Variants in PAX3 observed in about 807,000 individuals in gnomAD.
PAX3 encodes paired box protein Pax-3.
A neutral mutation model predicts 51.6 loss-of-function variants in PAX3; 14 were observed. That is an observed-to-expected ratio of 0.27 (90% CI 0.18 to 0.42). The LOEUF (loss-of-function observed/expected upper bound fraction) is 0.42. PAX3 is among the 10% of genes least tolerant of loss of function. The pLI is 1.00. For missense variants in PAX3, 540 were observed against 642.8 expected (o/e 0.84, Z 1.73); for synonymous variants, 280 against 253.4 (o/e 1.11, Z -1.00).
intron 4 of PAX3, among the ~76,000 whole-genome samples, chr2:222,258,632 A>G (rs1028974455): frequency 9.9e-5 from 15 of 152,226 alleles, no homozygotes; most frequent in African/African-American, 3.6e-4. Context: ...CTCACCCCAG[A>G]GTCTGGAAAC....
At chr2:222,205,692 C>T (rs1245204442) in intron 7 of PAX3, among the ~76,000 whole-genome samples, 2 of 152,078 alleles carry the variant, frequency 1.3e-5, no homozygotes, top group Non-Finnish European at 2.9e-5. Context: ...ATTTTAAAAA[C>T]CTACTGTTTT....
chr2:222,294,493 A>C (rs1245520117), intron 3 of PAX3, among the ~76,000 whole-genome samples, 192 bp from the exon 4 acceptor site: 3 of 147,670 alleles, frequency 2.0e-5, no homozygotes, highest in Non-Finnish European at 4.5e-5. Context: ...TGCCACTCAA[A>C]CCCCCCTCCC....
chr2:222,212,653 ACACG>A (rs985486506), intron 7 of PAX3, among the ~76,000 whole-genome samples: 5 of 151,256 alleles, frequency 3.3e-5, no homozygotes, highest in African/African-American at 1.2e-4. Flanking sequence ...ACACACACAC[ACACG>A]AATAGTATAC....
intron 4 of PAX3, chr2:222,264,303 A>G (rs1200241188): frequency 6.6e-6 from 1 of 152,256 alleles, no homozygotes; most frequent in Non-Finnish European, 1.5e-5. Context: ...AAAAGATCAC[A>G]TACTGTAGGA....
At chr2:222,250,421 T>C (rs376620981) in intron 4 of PAX3, among the ~76,000 whole-genome samples, 1 of 152,074 alleles carries the variant, frequency 6.6e-6, no homozygotes, top group African/African-American at 2.4e-5. Context: ...CCTCCCAAAC[T>C]TGAAAAAAAT....
At chr2:222,256,892 A>G (rs768884708) in intron 4 of PAX3, among the ~76,000 whole-genome samples, 1 of 152,222 alleles carries the variant, frequency 6.6e-6, no homozygotes, top group Non-Finnish European at 1.5e-5. Flanking sequence ...ACCTACTACT[A>G]AACTCTAAAC....
At chr2:222,233,111 A>G (rs1196892389) in intron 4 of PAX3, 1 of 129,216 alleles carries the variant, frequency 7.7e-6, no homozygotes, top group African/African-American at 2.8e-5. Flanking sequence ...AAAAAAAAGT[A>G]TGATCCCTTT....
intron 7 of PAX3, among the ~76,000 whole-genome samples, chr2:222,210,816 G>C (rs147899062): frequency 6.6e-6 from 1 of 152,066 alleles, no homozygotes; most frequent in Non-Finnish European, 1.5e-5. Flanking sequence ...CTCAGTTTCC[G>C]TGTTTGCTTT....
At chr2:222,274,585 T>C (rs1271973882) in intron 4 of PAX3, among the ~76,000 whole-genome samples, 1 of 152,062 alleles carries the variant, frequency 6.6e-6, no homozygotes, top group Admixed American at 6.6e-5. Flanking sequence ...GTTTTTAAAA[T>C]ATCCAAGATG....
chr2:222,238,606 G>A (rs938166081), intron 4 of PAX3, among the ~76,000 whole-genome samples: 2 of 152,188 alleles, frequency 1.3e-5, no homozygotes, highest in Admixed American at 1.3e-4. Flanking sequence ...GGGAGGAGGT[G>A]GAGGGATCTC....
intron 5 of PAX3, among the ~76,000 whole-genome samples, chr2:222,231,581 A>G (rs560364849): frequency 5.3e-5 from 8 of 152,228 alleles, no homozygotes; most frequent in African/African-American, 1.9e-4. Flanking sequence ...GGTCACAGAG[A>G]TGAAGCGTAT....
intron 6 of PAX3, among the ~76,000 whole-genome samples, chr2:222,220,910 T>C (rs892824557): frequency 6.6e-6 from 1 of 152,196 alleles, no homozygotes; most frequent in African/African-American, 2.4e-5. Context: ...TTCCAGTTAG[T>C]TGCAAACTGG....
chr2:222,298,240 G>A (rs781542980), intron 1 of PAX3: 24 of 459,696 alleles, frequency 5.2e-5, no homozygotes, highest in Non-Finnish European at 8.6e-5. Context: ...CTCAGAAGCC[G>A]GTTCACCTCC....
intron 4 of PAX3, among the ~76,000 whole-genome samples, chr2:222,257,670 A>G (rs1172083862): frequency 1.3e-5 from 2 of 152,234 alleles, no homozygotes; most frequent in Admixed American, 6.5e-5. Context: ...ATGTTCTCCC[A>G]GGGAATTATG....
chr2:222,244,890 G>A (rs1459396094), intron 4 of PAX3, among the ~76,000 whole-genome samples: 1 of 152,166 alleles, frequency 6.6e-6, no homozygotes, highest in East Asian at 1.9e-4. Flanking sequence ...GTGCATGCCT[G>A]TAATCCCAGC....
chr2:222,276,941 T>A (rs1272966735), intron 4 of PAX3, among the ~76,000 whole-genome samples: 1 of 152,162 alleles, frequency 6.6e-6, no homozygotes, highest in Non-Finnish European at 1.5e-5. Flanking sequence ...GCAAACAAGA[T>A]AAGGCACAGG....
rs971062045 is a variant in PAX3, at chr2:222,280,133, C to G, written c.586+14034G>C. 4.6e-5 allele frequency among the ~76,000 whole-genome samples: 7 copies of G among 151,952 alleles called. No homozygotes were observed. In the East Asian group the frequency reaches 1.4e-3, roughly 29 times the overall value. ...GGCTGAGACAGGAGAATTGCTTGAA[C>G]GTGGGAGGTGGAGGTTGCAATGAGC... is the stretch of plus-strand genomic sequence containing the variant. On this transcript the variant is annotated intron_variant, in intron 4 of 8. Coordinates refer to ENST00000392070, the MANE Select transcript of PAX3 (RefSeq NM_181458.4).
intron 3 of PAX3, 122 bp downstream of exon 3, chr2:222,295,406 C>G: frequency 1.7e-6 from 2 of 1,202,138 alleles, no homozygotes; most frequent in Non-Finnish European, 2.5e-6. Context: ...ATTGCAGGGC[C>G]TCGGGAGAGG....
chr2:222,254,157 T>TAA (rs550601923), intron 4 of PAX3, among the ~76,000 whole-genome samples: 1 of 151,936 alleles, frequency 6.6e-6, no homozygotes, highest in African/African-American at 2.4e-5. Flanking sequence ...AATTTTTTTT[T>TAA]TAAAAAAAAG....
Sources: gnomAD v4.1 joint callset for allele counts (sites outside exome capture counted in the v4.1 genomes callset) on GRCh38, gnomAD v4.1.1 for gene constraint, MANE v1.5 for transcripts, NCBI Gene and HGNC (gene_info 2026-07-23, HGNC 2026-07-21) for gene names.